The following LNPK variants were observed in gnomAD, a reference collection of about 807,000 sequenced individuals.
LNPK encodes the protein endoplasmic reticulum junction formation protein lunapark.
LNPK carries 29 observed loss-of-function variants against 55.2 expected under a neutral mutation model. The observed-to-expected ratio is 0.53, with a 90% confidence interval of 0.39 to 0.72. The LOEUF is 0.72. LNPK is among the 30% of genes least tolerant of loss of function. The pLI, the probability that LNPK is intolerant of heterozygous loss-of-function variation, is 0.00. For missense variants in LNPK, 467 were observed against 494.8 expected, an observed-to-expected ratio of 0.94 and a Z score of 0.53; for synonymous variants, 162 against 168.2, an observed-to-expected ratio of 0.96 and a Z score of 0.29.
rs1686269815 is a variant in LNPK, at chr2:175,965,290, C to T, written c.358-701G>A. 2.0e-5 allele frequency among the ~76,000 whole-genome samples: 3 copies of T among 152,128 alleles called. No homozygotes were observed. The South Asian group carries it at 6.2e-4, about 32-fold the overall frequency. ...TTCATTATTGTAACGTTTTATTTAC[C>T]ATGCACTCAAGTCACTTTATAACTT... On this transcript the variant is annotated intron_variant, in intron 6 of 12. Coordinates refer to ENST00000272748, the MANE Select transcript of LNPK (RefSeq NM_030650.3).
Position 175,930,175 on chromosome 2 carries a change from T to A in LNPK, c.1079A>T (p.Asp360Val). The change falls in exon 13 of 13, where the codon GAT becomes GTT. Residue 360 changes from aspartate to valine, a missense_variant. Asp to Val is a radical substitution (Grantham distance 152). Transcript: ENST00000272748. ...GTCATCTGTCTGCTCTGTATTATCA[T>A]CAAGAACATCGTGTTCTAAAGATTC... is the stretch of plus-strand genomic sequence containing the variant. ...NEESLEHDVL[D>V]DNTEQTDDKI... is the part of the protein sequence containing the mutation. 6.2e-7 allele frequency: 1 copy of A among 1,612,968 alleles called. No individual in the cohort carries two copies. The highest frequency in any genetic ancestry group is 2.2e-5 in the East Asian group (1 of 44,846).
chr2:175,958,358 G>A (rs185723770), intron 8 of LNPK, among the ~76,000 whole-genome samples: 272 of 152,266 alleles, frequency 1.8e-3, no homozygotes, highest in Non-Finnish European at 2.1e-3. Flanking sequence ...GGGACGAAGC[G>A]TCCACAGGAA....
Position 175,947,694 on chromosome 2 carries a change from TGAG to T in LNPK, c.494-5_494-3del. On this transcript the variant is annotated splice_polypyrimidine_tract_variant and splice_region_variant and intron_variant, in intron 8 of 12. Coordinates refer to ENST00000272748, the MANE Select transcript of LNPK (RefSeq NM_030650.3). ...GAGCTGCAGTTCGCTGACGAATCTCTGAGAAGAGTAAGTACATACTAGACTTAA... is the reference window on the plus strand; with the variant it reads ...GAGCTGCAGTTCGCTGACGAATCTCTAAGAGTAAGTACATACTAGACTTAA... The T allele has an allele frequency of 6.2e-7, 1 of 1,605,960 alleles. No homozygotes were observed. The highest frequency in any genetic ancestry group is 1.1e-5 in the South Asian group (1 of 90,416).
At chr2:175,957,032 C>T (rs753847275) in intron 8 of LNPK, among the ~76,000 whole-genome samples, 27 of 152,110 alleles carry the variant, frequency 1.8e-4, no homozygotes, top group Non-Finnish European at 3.1e-4. Context: ...TTATCTCCCC[C>T]AACCTCATCC....
intron 8 of LNPK, among the ~76,000 whole-genome samples, chr2:175,960,174 T>C (rs745505433): frequency 1.2e-4 from 19 of 152,104 alleles, no homozygotes; most frequent in Non-Finnish European, 2.1e-4. Context: ...AACAAGGATA[T>C]CCACGACTTG....
chr2:175,973,389 G>A (rs1686747814), intron 5 of LNPK, among the ~76,000 whole-genome samples: 1 of 152,146 alleles, frequency 6.6e-6, no homozygotes, highest in Admixed American at 6.5e-5. Context: ...AAGTCCATGA[G>A]AGCAATGAAG....
intron 9 of LNPK, among the ~76,000 whole-genome samples, chr2:175,942,617 T>C (rs1684907763): frequency 6.6e-6 from 1 of 151,910 alleles, no homozygotes; most frequent in Non-Finnish European, 1.5e-5. Flanking sequence ...AATTAGAAAG[T>C]ATTTTGAACT....
chr2:175,974,888 C>CAA lies in LNPK; in HGVS notation c.317-4086_317-4085dup, dbSNP rs528705468. Among the ~76,000 whole-genome samples, 521 of 146,278 alleles carry CAA rather than the reference C, an allele frequency of 3.6e-3. 15 individuals carry two copies. In the South Asian group the frequency reaches 0.075, roughly 21 times the overall value. ...AGAACCTCTGAAATATATTTTAAAG[C>CAA]AAAAAAAAAATCCCTTTCATAACCA... On this transcript the variant is annotated intron_variant, in intron 5 of 12. Transcript: ENST00000272748.
In LNPK at chr2:175,925,630, G is replaced by A. The variant is rs902808239; in HGVS notation, c.*4337C>T. The A allele has an allele frequency of 2.0e-5, 3 of 152,452 alleles. No homozygotes were observed. The highest frequency in any genetic ancestry group is 4.3e-5 in the Non-Finnish European group (3 of 69,366). 9.4% of individuals were successfully genotyped at this position (152,452 alleles called of 1,614,324 possible). ...CAAGAACACTCAAGAGTCATTAAAG[G>A]GTCTAAGCAATGGCGTGGCAGATTC... On this transcript the variant is annotated 3_prime_UTR_variant, in exon 13 of 13. Coordinates refer to ENST00000272748, the MANE Select transcript of LNPK (RefSeq NM_030650.3).
chr2:175,954,328 AG>A (rs1362477244), intron 8 of LNPK, among the ~76,000 whole-genome samples: 5 of 152,274 alleles, frequency 3.3e-5, no homozygotes, highest in East Asian at 1.9e-4. Context: ...ACTTATTTAG[AG>A]TGATAAACAG....
At chr2:175,931,907 C>G (rs1684297118) in intron 12 of LNPK, among the ~76,000 whole-genome samples, 1 of 152,194 alleles carries the variant, frequency 6.6e-6, no homozygotes, top group South Asian at 2.1e-4. Flanking sequence ...TCTACCCTCA[C>G]AGAATGTATC....
At chr2:175,970,384 C>G (rs1468972715) in intron 6 of LNPK, among the ~76,000 whole-genome samples, 1 of 152,112 alleles carries the variant, frequency 6.6e-6, no homozygotes, top group Admixed American at 6.5e-5. Context: ...CTTCTTGATT[C>G]CCTCTCTTTC....
intron 2 of LNPK, chr2:175,994,407 T>C: frequency 2.8e-5 from 19 of 681,146 alleles, no homozygotes; most frequent in Middle Eastern, 7.4e-4. Flanking sequence ...AAAACCTAAA[T>C]TGTGTACCAA....
chr2:175,957,227 G>A (rs1191354392), intron 8 of LNPK, among the ~76,000 whole-genome samples: 1 of 151,702 alleles, frequency 6.6e-6, no homozygotes, highest in African/African-American at 2.4e-5. Context: ...GTGTCATGGC[G>A]GGCACCTGTA....
intron 9 of LNPK, chr2:175,941,125 C>A: frequency 2.7e-6 from 1 of 365,750 alleles, no homozygotes. Context: ...GTGACATGCA[C>A]CTGTAGTCCC....
At chr2:175,995,525 C>A in intron 2 of LNPK, 33 bp downstream of exon 2, 1 of 1,563,698 alleles carries the variant, frequency 6.4e-7, no homozygotes, top group Admixed American at 1.7e-5. Flanking sequence ...TTATATTAGA[C>A]TCAAGAACTA....
In LNPK at chr2:175,930,170, TATC is replaced by T. The variant is rs1490181544; in HGVS notation, c.1081_1083del (p.Asp361del). The T allele has an allele frequency of 1.2e-5, 20 of 1,612,788 alleles. No homozygotes were observed. Among genetic ancestry groups the T allele is most frequent in the East Asian group, 2.2e-5 (1 of 44,866 alleles). Reference sequence around the variant, plus strand: ...ATTTTGTCATCTGTCTGCTCTGTATTATCATCAAGAACATCGTGTTCTAAAGAT... The same window carrying T: ...ATTTTGTCATCTGTCTGCTCTGTATTATCAAGAACATCGTGTTCTAAAGAT... On this transcript the variant is annotated inframe_deletion, in exon 13 of 13. Transcript: ENST00000272748.
chr2:175,961,070 T>A (rs1465863753), intron 8 of LNPK, among the ~76,000 whole-genome samples: 2 of 151,884 alleles, frequency 1.3e-5, no homozygotes, highest in East Asian at 3.9e-4. Flanking sequence ...AATAATAGCC[T>A]ACCAACCAAA....
chr2:175,932,394 C>T (rs562362906), intron 12 of LNPK, among the ~76,000 whole-genome samples: 2 of 152,106 alleles, frequency 1.3e-5, no homozygotes, highest in Non-Finnish European at 2.9e-5. Flanking sequence ...ACAAGATACA[C>T]GAAGTCTTCC....
Sources: allele counts gnomAD v4.1 joint callset (sites outside exome capture counted in the v4.1 genomes callset), GRCh38; gene constraint gnomAD v4.1.1; transcripts MANE v1.5; gene names NCBI Gene and HGNC (gene_info 2026-07-23, HGNC 2026-07-21).